KARS1: variants seen among roughly 807,000 people sequenced by gnomAD.
KARS1 encodes the protein lysyl-tRNA synthetase 1.
KARS1 carries 50 observed loss-of-function variants against 63.9 expected under a neutral mutation model. The observed-to-expected ratio is 0.78, with a 90% CI of 0.62 to 0.99. KARS1 has a LOEUF of 0.99. Among genes scored for constraint, KARS1 ranks in the 50% least tolerant of loss-of-function variants. KARS1 has a pLI of 0.00. For missense variants in KARS1, 816 were observed against 754.5 expected, an observed-to-expected ratio of 1.08 and a Z score of -0.95; for synonymous variants, 320 against 264.6, an observed-to-expected ratio of 1.21 and a Z score of -2.03.
chr16:75,633,209 G>A (rs529743530), intron 7 of KARS1, among the ~76,000 whole-genome samples: 3 of 152,146 alleles, frequency 2.0e-5, no homozygotes, highest in African/African-American at 4.8e-5. Flanking sequence ...AGGGTCGGCC[G>A]CAATGACAAA....
intron 1 of KARS1, among the ~76,000 whole-genome samples, chr16:75,643,231 G>C (rs562018605): frequency 6.6e-6 from 1 of 152,262 alleles, no homozygotes; most frequent in East Asian, 1.9e-4. Context: ...TCAAACCGCT[G>C]AACATAATCA....
chr16:75,634,419 A>T, intron 6 of KARS1, 127 bp from the exon 7 acceptor site: 4 of 943,342 alleles, frequency 4.2e-6, no homozygotes, highest in Non-Finnish European at 6.6e-6. Context: ...TTCAACAGTA[A>T]TGTGCAAGTG....
At chr16:75,644,605 C>G (rs1567505673) in intron 1 of KARS1, 1 of 543,468 alleles carries the variant, frequency 1.8e-6, no homozygotes, top group Admixed American at 3.3e-5. Flanking sequence ...TAACTGATAG[C>G]AACCCTGTAA....
chr16:75,645,697 T>C (rs969857662), intron 1 of KARS1, among the ~76,000 whole-genome samples: 5 of 151,918 alleles, frequency 3.3e-5, no homozygotes, highest in Admixed American at 6.6e-5. Context: ...AACACAAAAA[T>C]TTAACCGGGT....
chr16:75,641,479 C>T, intron 2 of KARS1, 85 bp downstream of exon 2: 1 of 1,202,640 alleles, frequency 8.3e-7, no homozygotes, highest in Non-Finnish European at 1.2e-6. Flanking sequence ...CTGGTCCCTC[C>T]TACTGTCCAG....
Position 75,629,419 on chromosome 16 carries a change from G to A in KARS1, c.1547C>T (p.Ala516Val). The part of the protein sequence containing the change: ...MRQRQLFEEQ[A>V]KAKAAGDDEA... ...GCTCACAGTCCCCTTTCTCACCTTG[G>A]CCTGTTCTTCAAAAAGCTGCCGCTG... is the stretch of plus-strand genomic sequence containing the variant. The change falls in exon 12 of 14, where the codon GCC (alanine) becomes GTC (valine). Residue 516 changes from alanine (A) to valine (V), a missense_variant. By Grantham distance (64) the Ala-to-Val change is moderately conservative. Coordinates refer to ENST00000302445, the MANE Select transcript of KARS1 (RefSeq NM_005548.3). 6.2e-7 allele frequency: 1 copy of A among 1,613,914 alleles called. No individual in the cohort carries two copies. The highest frequency in any genetic ancestry group is 8.5e-7 in the Non-Finnish European group (1 of 1,179,866).
chr16:75,645,362 A>C lies in KARS1; in HGVS notation c.62+2216T>G, dbSNP rs149799670. On this transcript the variant is annotated intron_variant, in intron 1 of 13. Coordinates refer to ENST00000302445, the MANE Select transcript of KARS1 (RefSeq NM_005548.3). ...CTCCAGTGCTCTGGATCACTGCTAG[A>C]CTATATTTTAGGAATGCACACTTTA... Among the ~76,000 whole-genome samples the C allele has an allele frequency of 1.0e-3, 158 of 152,300 alleles. 1 individual carries two copies. Among genetic ancestry groups the C allele is most frequent in the Admixed American group, 2.4e-3 (36 of 15,298 alleles).
rs780519547 is a variant in KARS1 at position 75,647,626 on chromosome 16, T to C, written c.14A>G (p.Gln5Arg). The change falls in exon 1 of 14, where the codon CAG (glutamine) becomes CGG (arginine). Residue 5 changes from glutamine to arginine, a missense_variant. Gln to Arg is a conservative substitution (Grantham distance 43). Coordinates refer to ENST00000302445, the MANE Select transcript of KARS1 (RefSeq NM_005548.3). Reference protein sequence around the residue: MAAVQAAEVKVDGSE... With the variant: MAAVRAAEVKVDGSE... Reference sequence around the variant, plus strand: ...GCCATCCACTTTCACCTCGGCCGCCTGCACGGCCGCCATCTTCCCGGAGGG... The same window carrying C: ...GCCATCCACTTTCACCTCGGCCGCCCGCACGGCCGCCATCTTCCCGGAGGG... The C allele has an allele frequency of 5.6e-6, 9 of 1,613,692 alleles. No individual in the cohort carries two copies. The highest frequency in any genetic ancestry group is 2.7e-5 in the African/African-American group (2 of 75,064).
At chr16:75,643,745 C>CAT (rs1428703287) in intron 1 of KARS1, among the ~76,000 whole-genome samples, 4 of 152,314 alleles carry the variant, frequency 2.6e-5, no homozygotes, top group Admixed American at 1.3e-4. Context: ...GCTTTTTCTA[C>CAT]ATATAATGTC....
At chr16:75,640,151 G>T (rs2082206948) in intron 3 of KARS1, 33 bp downstream of exon 3, 4 of 1,600,274 alleles carry the variant, frequency 2.5e-6, no homozygotes, top group Non-Finnish European at 3.4e-6. Flanking sequence ...ACCTGCTGTG[G>T]GAGTTCAGTG....
chr16:75,631,023 G>C (rs2082106339), intron 10 of KARS1, 145 bp downstream of exon 10: 1 of 699,880 alleles, frequency 1.4e-6, no homozygotes, highest in Non-Finnish European at 2.6e-6. Context: ...ACAGTTAAAA[G>C]TCTGTTAATT....
chr16:75,647,296 A>G (rs926280299), intron 1 of KARS1, among the ~76,000 whole-genome samples: 18 of 152,216 alleles, frequency 1.2e-4, no homozygotes, highest in Admixed American at 3.9e-4. Context: ...TTCTTTTCTG[A>G]TAACTCTTAG....
rs766411635 is a variant in KARS1 at position 75,628,012 on chromosome 16, T to C, written c.1696-19A>G. On this transcript the variant is annotated intron_variant, in intron 13 of 13. Coordinates refer to ENST00000302445, the MANE Select transcript of KARS1 (RefSeq NM_005548.3). ...GTACTTCCTGTGGGAGATAAGAATG[T>C]ACCTTGAAGCTGAGAAGCACTCTCA... 2.8e-6 allele frequency: 4 copies of C among 1,435,548 alleles called. No homozygotes were observed. Among genetic ancestry groups the C allele is most frequent in the Non-Finnish European group, 2.0e-6 (2 of 1,017,164 alleles). The allele number at this position is 1,435,548 out of a possible 1,614,324, so 88.9% of individuals were successfully genotyped here.
At chr16:75,641,426 A>C in intron 2 of KARS1, 138 bp downstream of exon 2, 1 of 703,470 alleles carries the variant, frequency 1.4e-6, no homozygotes, top group Non-Finnish European at 2.4e-6. Context: ...AACCAGATGC[A>C]GTGGGAGACC....
chr16:75,641,136 C>T (rs1039954854), intron 2 of KARS1, among the ~76,000 whole-genome samples: 1 of 152,168 alleles, frequency 6.6e-6, no homozygotes, highest in African/African-American at 2.4e-5. Context: ...TGCACTCCAG[C>T]CTGGGTGACA....
Position 75,631,682 on chromosome 16 carries a change from G to T in KARS1, c.1078+11C>A. ...AACCACCCGATGAGTATGAGAGAGA[G>T]CAGGAGTCACCTGAAACCATCTTCT... On this transcript the variant is annotated intron_variant, in intron 8 of 13. Transcript: ENST00000302445. 2 of 1,614,160 alleles carry T rather than the reference G, an allele frequency of 1.2e-6. No homozygotes were observed. Among genetic ancestry groups the T allele is most frequent in the Non-Finnish European group, 1.7e-6 (2 of 1,179,992 alleles).
intron 3 of KARS1, among the ~76,000 whole-genome samples, chr16:75,637,803 AGGGAATGAGGAGTAGAGCC>A (rs2082178663): frequency 6.6e-6 from 1 of 150,466 alleles, no homozygotes; most frequent in Non-Finnish European, 1.5e-5. Context: ...AAAAATCTAA[AGGGAATGAGGAGTAGAGCC>A]CACAGAAACC....
chr16:75,644,009 G>A (rs1328985486), intron 1 of KARS1, among the ~76,000 whole-genome samples: 4 of 152,134 alleles, frequency 2.6e-5, no homozygotes, highest in Non-Finnish European at 5.9e-5. Flanking sequence ...GACAGAAAAG[G>A]GAAATAGCTG....
intron 6 of KARS1, among the ~76,000 whole-genome samples, chr16:75,634,525 T>C (rs2082143355): frequency 1.3e-5 from 2 of 152,244 alleles, no homozygotes; most frequent in Admixed American, 1.3e-4. Flanking sequence ...TTTCACAAGC[T>C]GTAAATTAGA....
Sources: gnomAD v4.1 joint callset for allele counts (sites outside exome capture counted in the v4.1 genomes callset) on GRCh38, gnomAD v4.1.1 for gene constraint, MANE v1.5 for transcripts, NCBI Gene and HGNC (gene_info 2026-07-23, HGNC 2026-07-21) for gene names.